Variants in UNC45A observed in about 807,000 individuals in gnomAD.
The protein encoded by UNC45A is protein unc-45 homolog A.
A neutral mutation model predicts 103.2 loss-of-function variants in UNC45A; 78 were observed. The observed-to-expected ratio is 0.76, with a 90% CI of 0.63 to 0.91. UNC45A has a LOEUF of 0.91. UNC45A is among the 40% of genes least tolerant of loss of function. The pLI, the probability that UNC45A is intolerant of heterozygous loss-of-function variation, is 0.00. For synonymous variants in UNC45A, 495 were observed against 504.6 expected (o/e 0.98, Z 0.25); for missense variants, 1,193 against 1,224.8 (o/e 0.97, Z 0.39).
rs2037081044 is a variant in UNC45A at position 90,953,996 on chromosome 15, G to A, written c.*280G>A. ...AAGGTGCATCCCAACACAGCCTGTG[G>A]ATCCTGGGGCATCTGGAAGGGCGCA... On this transcript the variant is annotated 3_prime_UTR_variant, in exon 20 of 20. Transcript: ENST00000418476. 1 of 481,476 alleles carries A rather than the reference G, an allele frequency of 2.1e-6. No individual in the cohort carries two copies. The allele number at this position is 481,476 out of a possible 1,614,324, so 29.8% of individuals were successfully genotyped here.
rs1441992330 is a variant in UNC45A, at chr15:90,942,506, G to C, written c.757G>C (p.Val253Leu). Residue 253 changes from valine (V) to leucine (L), a missense_variant, in exon 7 of 20, where the codon GTG becomes CTG. By Grantham distance (32) the Val-to-Leu change is conservative. Transcript: ENST00000418476. ...CATCCTGGGCGTGGAAAGCCAGGCT[G>C]TGTCCCTGGCTGCCTGCCACCTGCT... Reference protein sequence around the residue: ...VSILGVESQAVSLAACHLLQV... With the variant: ...VSILGVESQALSLAACHLLQV... 5.0e-6 allele frequency: 8 copies of C among 1,614,196 alleles called. No homozygotes were observed. The highest frequency in any genetic ancestry group is 1.3e-5 in the African/African-American group (1 of 75,048).
At chr15:90,944,321 A>C (rs771629627) in intron 8 of UNC45A, among the ~76,000 whole-genome samples, 2 of 151,950 alleles carry the variant, frequency 1.3e-5, no homozygotes, top group East Asian at 1.9e-4. Context: ...CAGGAGGCGG[A>C]GGCTGCAGTG....
chr15:90,949,330 C>T lies in UNC45A; in HGVS notation c.1893C>T (p.Phe631=), dbSNP rs756225538. 9.9e-6 allele frequency: 16 copies of T among 1,612,414 alleles called. No individual in the cohort carries two copies. The highest frequency in any genetic ancestry group is 6.7e-5 in the Admixed American group (4 of 59,998). The part of the protein sequence containing the change: ...PEQHPKDKPS[F]VRARVKKLLA... ...TCCTCCCCCAGGACAAGCCAAGCTT[C>T]GTGCGGGCTCGGGTGAAGAAGCTGC... The change falls in exon 14 of 20, where the codon TTC becomes TTT. Residue 631 remains phenylalanine, a synonymous_variant. Coordinates refer to ENST00000418476, the MANE Select transcript of UNC45A (RefSeq NM_018671.5).
Position 90,948,231 on chromosome 15 carries a change from A to G in UNC45A, c.1685A>G (p.Glu562Gly), listed in dbSNP as rs1293363577. The change falls in exon 12 of 20, where the codon GAA (glutamate) becomes GGA (glycine). Residue 562 changes from glutamate to glycine, a missense_variant. Coordinates refer to ENST00000418476, the MANE Select transcript of UNC45A (RefSeq NM_018671.5). Reference sequence around the variant, plus strand: ...CTGACCTTTGATGCCGACGTGAAGGAAGAGTTTGTGGAGGATGCGGCTGCT... The same window carrying G: ...CTGACCTTTGATGCCGACGTGAAGGGAGAGTTTGTGGAGGATGCGGCTGCT... ...AYLTFDADVKEEFVEDAAALK... is the reference protein window; with the variant it reads ...AYLTFDADVKGEFVEDAAALK... 6.2e-7 allele frequency: 1 copy of G among 1,614,018 alleles called. No homozygotes were observed. The highest frequency in any genetic ancestry group is 8.5e-7 in the Non-Finnish European group (1 of 1,179,992).
At chr15:90,951,310 G>A (rs962669953) in intron 17 of UNC45A, among the ~76,000 whole-genome samples, 4 of 152,144 alleles carry the variant, frequency 2.6e-5, no homozygotes, top group Non-Finnish European at 5.9e-5. Flanking sequence ...TGGCCAGCAT[G>A]TTTTAGTTTT....
At chr15:90,932,157 A>G, upstream of UNC45A, 1 of 1,550,674 alleles carries the variant, frequency 6.4e-7, no homozygotes, top group South Asian at 1.2e-5. Flanking sequence ...GGTAGTCCCA[A>G]GGCGGTGTGT....
chr15:90,942,188 T>C (rs1404227221), intron 6 of UNC45A, among the ~76,000 whole-genome samples: 1 of 152,146 alleles, frequency 6.6e-6, no homozygotes, highest in South Asian at 2.1e-4. Flanking sequence ...CAGTATACTA[T>C]GTCTTCTCTG....
In UNC45A at chr15:90,935,372, C is replaced by A. The variant is rs1410318150; in HGVS notation, c.48C>A (p.Pro16=). 2 of 1,598,046 alleles carry A rather than the reference C, an allele frequency of 1.3e-6. No individual in the cohort carries two copies. Among genetic ancestry groups the A allele is most frequent in the Non-Finnish European group, 1.7e-6 (2 of 1,172,894 alleles). Residue 16 remains proline, a synonymous_variant, in exon 1 of 20, where the codon CCC becomes CCA. Transcript: ENST00000418476. ...PGTPEPRPAT[P]GASSVEQLRK... The stretch of plus-strand genomic sequence containing the variant: ...CCCCCGAGCCCCGGCCGGCCACCCC[C>A]GGGGTGCGTACCCAACCCCCGCGCC...
rs553255895 is a variant in UNC45A at position 90,953,619 on chromosome 15, C to T, written c.2738C>T (p.Ala913Val). The T allele has an allele frequency of 6.2e-7, 1 of 1,614,118 alleles. No individual in the cohort carries two copies. The highest frequency in any genetic ancestry group is 1.7e-5 in the Admixed American group (1 of 60,024). ...SEMMEILSVL[A>V]KGDHSPVTRA... The stretch of plus-strand genomic sequence containing the variant: ...ATGATGGAGATCTTGTCAGTGCTAG[C>T]TAAGGGTGACCACAGCCCTGTCACA... Residue 913 changes from alanine (A) to valine (V), a missense_variant, in exon 20 of 20, where the codon GCT becomes GTT. Physicochemically the swap from Ala to Val is moderately conservative, Grantham distance 64. Transcript: ENST00000418476.
upstream of UNC45A, chr15:90,932,531 C>G (rs1041004690): frequency 1.6e-6 from 2 of 1,267,950 alleles, no homozygotes; most frequent in African/African-American, 1.5e-5. Flanking sequence ...TGCGCCGCCT[C>G]AGAGCCCATC....
At position 90,950,515 on chromosome 15, in the gene UNC45A, C is replaced by A; in HGVS notation, c.2203C>A (p.Arg735=). The A allele has an allele frequency of 1.9e-6, 3 of 1,614,014 alleles. No homozygotes were observed. The highest frequency in any genetic ancestry group is 2.5e-6 in the Non-Finnish European group (3 of 1,180,010). ...FPGERIYEVV[R]PLVSLLHLNC... ...CACATTGCAGATCTATGAGGTGGTCCGGCCCCTCGTCTCCCTGTTGCACCT... is the reference window on the plus strand; with the variant it reads ...CACATTGCAGATCTATGAGGTGGTCAGGCCCCTCGTCTCCCTGTTGCACCT... The change falls in exon 17 of 20, where the codon CGG becomes AGG. Residue 735 remains arginine (R), a synonymous_variant. Coordinates refer to ENST00000418476, the MANE Select transcript of UNC45A (RefSeq NM_018671.5).
At position 90,949,311 on chromosome 15, in the gene UNC45A, C is replaced by T; in HGVS notation, c.1879-5C>T. On this transcript the variant is annotated splice_polypyrimidine_tract_variant and splice_region_variant and intron_variant, in intron 13 of 19. Coordinates refer to ENST00000418476, the MANE Select transcript of UNC45A (RefSeq NM_018671.5). ...GCCCCTCTCCTAAGCTGCCTCCTCC[C>T]CCAGGACAAGCCAAGCTTCGTGCGG... 1 of 1,610,832 alleles carries T rather than the reference C, an allele frequency of 6.2e-7. No individual in the cohort carries two copies. Among genetic ancestry groups the T allele is most frequent in the Non-Finnish European group, 8.5e-7 (1 of 1,179,886 alleles).
upstream of UNC45A, chr15:90,931,007 C>A: frequency 2.3e-6 from 1 of 437,914 alleles, no homozygotes; most frequent in Admixed American, 3.7e-5. Context: ...GGCCAGAGAT[C>A]CCACCATGCA....
chr15:90,934,971 C>T, upstream of UNC45A: 1 of 490,750 alleles, frequency 2.0e-6, no homozygotes, highest in Non-Finnish European at 3.6e-6. Context: ...TAGTGCTGGG[C>T]CTCTACAACC....
chr15:90,944,976 C>T lies in UNC45A; in HGVS notation c.1112C>T (p.Ala371Val). The change falls in exon 9 of 20, where the codon GCC becomes GTC. Residue 371 changes from alanine (A) to valine (V), a missense_variant. Ala to Val is a moderately conservative substitution (Grantham distance 64). Transcript: ENST00000418476. ...LAVTANSRMS[A>V]SILLSKLFDD... ...GTGACCGCAAACAGCCGCATGAGCG[C>T]CTCTATTCTCCTCAGCAAGCTCTTT... is the stretch of plus-strand genomic sequence containing the variant. The T allele has an allele frequency of 1.9e-6, 3 of 1,612,922 alleles. No homozygotes were observed. Among genetic ancestry groups the T allele is most frequent in the Non-Finnish European group, 2.5e-6 (3 of 1,180,030 alleles).
intron 9 of UNC45A, 23 bp from the exon 10 acceptor site, chr15:90,946,591 G>A (rs1358825591): frequency 1.0e-5 from 16 of 1,576,552 alleles, no homozygotes; most frequent in South Asian, 2.3e-5. Context: ...TTGGTGTGAC[G>A]GCTGTCACCC....
intron 8 of UNC45A, among the ~76,000 whole-genome samples, chr15:90,943,457 TTG>T (rs2036398507): frequency 1.4e-5 from 2 of 147,216 alleles, no homozygotes; most frequent in Non-Finnish European, 3.0e-5. Flanking sequence ...GAAAGAAAAG[TTG>T]TGATTATCTC....
upstream of UNC45A, chr15:90,931,668 C>T (rs1363677971): frequency 6.2e-7 from 1 of 1,613,936 alleles, no homozygotes; most frequent in South Asian, 1.1e-5. Context: ...GCGGCATCCC[C>T]CTCCCTTTTC....
chr15:90,931,573 C>T, upstream of UNC45A: 1 of 1,614,150 alleles, frequency 6.2e-7, no homozygotes, highest in Non-Finnish European at 8.5e-7. Flanking sequence ...GAAAGAAGAT[C>T]AAAGAGTGGT....
Sources: allele counts gnomAD v4.1 joint callset (sites outside exome capture counted in the v4.1 genomes callset), GRCh38; gene constraint gnomAD v4.1.1; transcripts MANE v1.5; gene names NCBI Gene and HGNC (gene_info 2026-07-23, HGNC 2026-07-21).